The following SLCO2A1 variants were observed in gnomAD, a reference collection of about 807,000 sequenced individuals.
SLCO2A1 encodes the protein solute carrier organic anion transporter family member 2A1, also known as matrin F/G 1.
A neutral mutation model predicts 71.7 loss-of-function variants in SLCO2A1; 60 were observed. That is an observed-to-expected ratio of 0.84 (90% confidence interval 0.68 to 1.04). The LOEUF is 1.04. SLCO2A1 is among the 50% of genes least tolerant of loss of function. SLCO2A1 has a pLI of 0.00. For missense variants in SLCO2A1, 745 were observed against 813.4 expected (o/e 0.92, Z 1.02); for synonymous variants, 308 against 326.7 (o/e 0.94, Z 0.62).
At chr3:134,008,711 G>A (rs983697524) in intron 1 of SLCO2A1, among the ~76,000 whole-genome samples, 1 of 152,136 alleles carries the variant, frequency 6.6e-6, no homozygotes, top group Non-Finnish European at 1.5e-5. Context: ...CAAACCTTAG[G>A]GCTGAATTCC....
intron 1 of SLCO2A1, among the ~76,000 whole-genome samples, chr3:134,012,438 G>A (rs1318368277): frequency 6.6e-6 from 1 of 152,136 alleles, no homozygotes; most frequent in African/African-American, 2.4e-5. Context: ...GCTACAGTGA[G>A]CTCCCCATCA....
At chr3:133,996,526 T>C (rs968243625) in intron 1 of SLCO2A1, among the ~76,000 whole-genome samples, 1 of 152,204 alleles carries the variant, frequency 6.6e-6, no homozygotes, top group Non-Finnish European at 1.5e-5. Flanking sequence ...CAGGCTAGCT[T>C]AGCCTCCCGC....
chr3:133,937,801 C>A (rs1933309405), intron 12 of SLCO2A1, among the ~76,000 whole-genome samples: 1 of 152,220 alleles, frequency 6.6e-6, no homozygotes, highest in African/African-American at 2.4e-5. Flanking sequence ...CAAGAAGGAA[C>A]AGCCAGTGTG....
chr3:133,952,151 C>A (rs72980320), intron 5 of SLCO2A1, among the ~76,000 whole-genome samples: 4,335 of 152,290 alleles, frequency 0.028, 206 homozygotes, highest in African/African-American at 0.099. Context: ...AGTTGCTGGT[C>A]TCTTTGGGCA....
chr3:133,996,622 C>G (rs1934971679), intron 1 of SLCO2A1, among the ~76,000 whole-genome samples: 1 of 152,158 alleles, frequency 6.6e-6, no homozygotes, highest in African/African-American at 2.4e-5. Flanking sequence ...GGAACATTTC[C>G]ACACCCCAGT....
intron 1 of SLCO2A1, among the ~76,000 whole-genome samples, chr3:134,028,702 A>T (rs543082128): frequency 6.6e-6 from 1 of 152,280 alleles, no homozygotes; most frequent in East Asian, 1.9e-4. Flanking sequence ...GTTTGTGGGA[A>T]ACAACCTCTC....
At chr3:133,967,105 G>A (rs140343220) in intron 3 of SLCO2A1, among the ~76,000 whole-genome samples, 206 of 152,242 alleles carry the variant, frequency 1.4e-3, no homozygotes, top group Non-Finnish European at 2.2e-3. Flanking sequence ...CTGGAGAAGC[G>A]ACTCTCAGCG....
At chr3:134,011,216 A>G (rs1457564778) in intron 1 of SLCO2A1, among the ~76,000 whole-genome samples, 1 of 152,096 alleles carries the variant, frequency 6.6e-6, no homozygotes, top group African/African-American at 2.4e-5. Context: ...ATGCCCAGCT[A>G]ATTTTTGTAT....
Position 133,979,498 on chromosome 3 carries a change from T to A in SLCO2A1, c.217A>T (p.Ile73Phe). 9 of 1,613,348 alleles carry A rather than the reference T, an allele frequency of 5.6e-6. No homozygotes were observed. Among genetic ancestry groups the A allele is most frequent in the Non-Finnish European group, 7.6e-6 (9 of 1,179,312 alleles). Residue 73 changes from isoleucine (I) to phenylalanine (F), a missense_variant, in exon 2 of 14, where the codon ATT becomes TTT. Physicochemically the swap from Ile to Phe is conservative, Grantham distance 21 (BLOSUM62 0). Transcript: ENST00000310926. Reference protein sequence around the residue: ...FGLSSSSSGLISSLNEISNAI... With the variant: ...FGLSSSSSGLFSSLNEISNAI... ...CTGCTCACCTCATTCAAGCTGGAAA[T>A]GAGACCCGATGAAGAACTGGAGAGC...
chr3:134,001,433 G>A (rs1935101945), intron 1 of SLCO2A1, among the ~76,000 whole-genome samples: 1 of 152,148 alleles, frequency 6.6e-6, no homozygotes, highest in South Asian at 2.1e-4. Context: ...TAGATGGGAG[G>A]AGTCTGCTTT....
chr3:133,973,928 G>A, intron 2 of SLCO2A1, 103 bp from the exon 3 acceptor site: 2 of 1,207,972 alleles, frequency 1.7e-6, no homozygotes, highest in South Asian at 3.1e-5. Context: ...GGAAAGGGAG[G>A]GGGCTGCCCA....
intron 1 of SLCO2A1, among the ~76,000 whole-genome samples, chr3:133,989,471 C>A (rs978028022): frequency 1.3e-5 from 2 of 152,208 alleles, no homozygotes; most frequent in African/African-American, 4.8e-5. Flanking sequence ...CACTGACAAC[C>A]CCCCTGGATT....
At chr3:133,966,760 C>T (rs1402036713) in intron 3 of SLCO2A1, among the ~76,000 whole-genome samples, 2 of 152,194 alleles carry the variant, frequency 1.3e-5, no homozygotes, top group African/African-American at 4.8e-5. Flanking sequence ...CAGTGGTTCC[C>T]ATTTCAAGGC....
At chr3:133,949,932 A>G (rs1042176253) in intron 6 of SLCO2A1, among the ~76,000 whole-genome samples, 11 of 152,040 alleles carry the variant, frequency 7.2e-5, no homozygotes, top group African/African-American at 2.7e-4. Flanking sequence ...GGCTCAAGTG[A>G]TTCTCCCACC....
At chr3:133,981,675 G>A (rs1429386567) in intron 1 of SLCO2A1, among the ~76,000 whole-genome samples, 1 of 152,134 alleles carries the variant, frequency 6.6e-6, no homozygotes, top group Admixed American at 6.5e-5. Context: ...AGATGTGAAA[G>A]ATTAGAAAAA....
At chr3:134,019,509 G>T (rs1935525576) in intron 1 of SLCO2A1, among the ~76,000 whole-genome samples, 1 of 152,148 alleles carries the variant, frequency 6.6e-6, no homozygotes. Context: ...ATTTGTTGAA[G>T]CAAGAATTGA....
intron 3 of SLCO2A1, among the ~76,000 whole-genome samples, chr3:133,966,923 T>C (rs1934192477): frequency 6.6e-6 from 1 of 152,212 alleles, no homozygotes; most frequent in Non-Finnish European, 1.5e-5. Context: ...AATGGTTTCT[T>C]TGAACCACAT....
chr3:133,947,452 G>A lies in SLCO2A1; in HGVS notation c.1106-7C>T. The A allele has an allele frequency of 6.2e-7, 1 of 1,608,844 alleles. No homozygotes were observed. The highest frequency in any genetic ancestry group is 1.7e-4 in the Middle Eastern group (1 of 5,750). The stretch of plus-strand genomic sequence containing the variant: ...GCAGGGAGGTTCACAGCACCTATAA[G>A]TGGAAAGAAGGAGGTGATCCAGGTG... On this transcript the variant is annotated splice_polypyrimidine_tract_variant and splice_region_variant and intron_variant, in intron 8 of 13. Coordinates refer to ENST00000310926, the MANE Select transcript of SLCO2A1 (RefSeq NM_005630.3).
intron 1 of SLCO2A1, among the ~76,000 whole-genome samples, chr3:133,998,215 T>TG (rs1238004317): frequency 6.6e-6 from 1 of 152,192 alleles, no homozygotes; most frequent in Non-Finnish European, 1.5e-5. Context: ...CCTCCAGCTC[T>TG]GGGGAGAGTC....
Sources: allele counts gnomAD v4.1 joint callset (sites outside exome capture counted in the v4.1 genomes callset), GRCh38; gene constraint gnomAD v4.1.1; transcripts MANE v1.5; gene names NCBI Gene and HGNC (gene_info 2026-07-23, HGNC 2026-07-21).